ZNF532: variants seen among roughly 807,000 people sequenced by gnomAD.
The protein encoded by ZNF532 is zinc finger protein 532.
In ZNF532, 22 loss-of-function variants were observed where a neutral mutation model predicts 89.3. That is an observed-to-expected ratio of 0.25 (90% confidence interval 0.18 to 0.35). The LOEUF (loss-of-function observed/expected upper bound fraction) is 0.35. Ranked by LOEUF, ZNF532 falls within the 10% of genes least tolerant of loss-of-function variation. ZNF532 has a pLI of 1.00. For missense variants in ZNF532, 1,132 were observed against 1,643.4 expected (o/e 0.69, Z 5.38); for synonymous variants, 606 against 649.6 (o/e 0.93, Z 1.02).
chr18:58,974,515 T>G (rs1395375445), intron 7 of ZNF532, among the ~76,000 whole-genome samples: 1 of 152,196 alleles, frequency 6.6e-6, no homozygotes, highest in East Asian at 1.9e-4. Flanking sequence ...GCTATAACAC[T>G]TATGCTGAAA....
chr18:58,876,658 C>T (rs1025249865), intron 2 of ZNF532, among the ~76,000 whole-genome samples: 1 of 152,144 alleles, frequency 6.6e-6, no homozygotes, highest in African/African-American at 2.4e-5. Context: ...CACTTGTAGT[C>T]GGATCAGATG....
intron 5 of ZNF532, 190 bp downstream of exon 5, chr18:58,939,811 G>T: frequency 6.8e-6 from 3 of 441,076 alleles, no homozygotes; most frequent in South Asian, 7.1e-5. Flanking sequence ...TAAAGACCTT[G>T]TCCAAAAACG....
At position 58,919,926 on chromosome 18, in the gene ZNF532, C is replaced by T. The variant is rs1481301401; in HGVS notation, c.1639C>T (p.Pro547Ser). 6.2e-7 allele frequency: 1 copy of T among 1,613,880 alleles called. No homozygotes were observed. The highest frequency in any genetic ancestry group is 8.5e-7 in the Non-Finnish European group (1 of 1,179,876). ...TSELRQVLTK[P>S]QQQIKQAIIN... ...TGAACTCCGCCAAGTGCTAACCAAA[C>T]CTCAGCAACAAATAAAGCAGGCAAT... Residue 547 changes from proline to serine, a missense_variant, in exon 3 of 10, where the codon CCT becomes TCT. By Grantham distance (74) the Pro-to-Ser change is moderately conservative (BLOSUM62 -1). Transcript: ENST00000591808. The surrounding 1 kb of genome is among the most constrained non-coding windows in gnomAD (Gnocchi z 6.1).
In ZNF532 at chr18:58,888,904, T is replaced by C. The variant is rs867973124; in HGVS notation, c.-18+23325T>C. On this transcript the variant is annotated intron_variant, in intron 2 of 9. Transcript: ENST00000591808. ...TATATATATATTTTATATATATATA[T>C]ATATATATAATTCATACAGGCTGAG... Among the ~76,000 whole-genome samples, 207 of 82,514 alleles carry C rather than the reference T, an allele frequency of 2.5e-3. 5 individuals carry two copies. Among genetic ancestry groups the C allele is most frequent in the African/African-American group, 9.1e-3 (192 of 21,114 alleles). The allele number at this position is 82,514 out of a possible 152,430, so 54.1% of individuals were successfully genotyped here. A position where few individuals can be genotyped will look rare whatever the true frequency, so the allele number is the denominator to read the frequency against.
At position 58,922,963 on chromosome 18, in the gene ZNF532, C is replaced by A. The variant is rs74545458; in HGVS notation, c.2346+2330C>A. Reference sequence around the variant, plus strand: ...AAACTAGGGTGAAACGGGTGAAACTCTGTCCCCAGGAGGAGAGATGAACAT... The same window carrying A: ...AAACTAGGGTGAAACGGGTGAAACTATGTCCCCAGGAGGAGAGATGAACAT... On this transcript the variant is annotated intron_variant, in intron 3 of 9. Coordinates refer to ENST00000591808, the MANE Select transcript of ZNF532 (RefSeq NM_001375912.1). Among the ~76,000 whole-genome samples the A allele has an allele frequency of 3.6e-3, 540 of 150,876 alleles. 8 individuals carry two copies. The highest frequency in any genetic ancestry group is 0.013 in the African/African-American group (517 of 41,222).
intron 2 of ZNF532, among the ~76,000 whole-genome samples, chr18:58,876,591 T>G (rs2057450303): frequency 6.6e-6 from 1 of 152,200 alleles, no homozygotes; most frequent in Non-Finnish European, 1.5e-5. Flanking sequence ...GATCCGGGGT[T>G]TATTCCTCTC....
At chr18:58,871,395 A>C (rs1255375291) in intron 2 of ZNF532, among the ~76,000 whole-genome samples, 2 of 152,168 alleles carry the variant, frequency 1.3e-5, no homozygotes, top group Admixed American at 1.3e-4. Context: ...AGCAGCTATT[A>C]TGTTACCTCA....
chr18:58,931,021 TA>T (rs1442540288), intron 3 of ZNF532, among the ~76,000 whole-genome samples: 1 of 152,206 alleles, frequency 6.6e-6, no homozygotes, highest in African/African-American at 2.4e-5. Flanking sequence ...TAGTATTACC[TA>T]TTGAAAAGTA....
Position 58,919,069 on chromosome 18 carries a change from C to A in ZNF532, c.782C>A (p.Thr261Lys). ...TSLPSVAPSK[T>K]KSSSKLSSCI... ...CTCCCCAGCGTTGCGCCATCAAAGA[C>A]AAAGTCGTCCTCCAAGCTCTCGTCC... Residue 261 changes from threonine (T) to lysine (K), a missense_variant, in exon 3 of 10, where the codon ACA (threonine) becomes AAA (lysine). Physicochemically the swap from Thr to Lys is moderately conservative, Grantham distance 78. Around this residue, in one of 9 missense-constraint regions of ZNF532, gnomAD observed 302 missense variants for 319.8 expected, o/e 0.94. Coordinates refer to ENST00000591808, the MANE Select transcript of ZNF532 (RefSeq NM_001375912.1). This position sits in a 1 kb window ranked among gnomAD's most constrained non-coding sequence, Gnocchi z 6.1. The A allele has an allele frequency of 1.9e-6, 3 of 1,614,150 alleles. No individual in the cohort carries two copies. The highest frequency in any genetic ancestry group is 2.5e-6 in the Non-Finnish European group (3 of 1,180,044).
chr18:58,942,319 G>A (rs2063203941), intron 5 of ZNF532, among the ~76,000 whole-genome samples: 2 of 47,752 alleles, frequency 4.2e-5, no homozygotes, highest in Non-Finnish European at 7.3e-5. Context: ...ACCGCGCCTG[G>A]CCCCTCCCTC....
intron 7 of ZNF532, among the ~76,000 whole-genome samples, chr18:58,975,937 A>G (rs2066998122): frequency 6.6e-6 from 1 of 152,202 alleles, no homozygotes; most frequent in Admixed American, 6.5e-5. Flanking sequence ...AAACGGCCTA[A>G]AGTCTTAGAA....
chr18:58,979,086 A>C lies in ZNF532; in HGVS notation c.3182A>C (p.Asp1061Ala). The C allele has an allele frequency of 6.2e-7, 1 of 1,612,518 alleles. No homozygotes were observed. The highest frequency in any genetic ancestry group is 8.5e-7 in the Non-Finnish European group (1 of 1,178,676). The change falls in exon 8 of 10, where the codon GAC becomes GCC. Residue 1061 changes from aspartate (D) to alanine (A), a missense_variant. By Grantham distance (126) the Asp-to-Ala change is moderately radical (BLOSUM62 -2). Around this residue, in one of 9 missense-constraint regions of ZNF532, gnomAD observed 415 missense variants for 604.8 expected, o/e 0.69. Transcript: ENST00000591808. ...QMKKHPCRQC[D>A]KSFSSSHSLC... ...AAGAAACACCCCTGCCGCCAGTGTG[A>C]CAAGTCTTTCAGCTCGTCCCACAGC...
At chr18:58,942,605 T>G (rs1297891859) in intron 5 of ZNF532, among the ~76,000 whole-genome samples, 1 of 151,956 alleles carries the variant, frequency 6.6e-6, no homozygotes, top group Non-Finnish European at 1.5e-5. Context: ...ACCAGCTCTG[T>G]TGGGCCCAGT....
intron 7 of ZNF532, among the ~76,000 whole-genome samples, chr18:58,963,376 G>A (rs2065557094): frequency 2.0e-5 from 3 of 152,154 alleles, no homozygotes; most frequent in Non-Finnish European, 2.9e-5. Context: ...TTCACTCAGA[G>A]ATGTAGGTGA....
At chr18:58,881,612 C>G (rs1568229721) in intron 2 of ZNF532, among the ~76,000 whole-genome samples, 2 of 131,768 alleles carry the variant, frequency 1.5e-5, no homozygotes, top group African/African-American at 6.1e-5. Context: ...GCAGAGCTCA[C>G]CTCAGTTTGT....
chr18:58,938,259 G>A (rs2062640103), intron 4 of ZNF532, among the ~76,000 whole-genome samples: 1 of 152,132 alleles, frequency 6.6e-6, no homozygotes, highest in African/African-American at 2.4e-5. Context: ...TAAATTTCTG[G>A]AGACTTTTGT....
At chr18:58,941,159 A>G (rs2062986236) in intron 5 of ZNF532, among the ~76,000 whole-genome samples, 1 of 152,144 alleles carries the variant, frequency 6.6e-6, no homozygotes, top group African/African-American at 2.4e-5. Context: ...AAATTAAGGA[A>G]TCCATACATG....
intron 7 of ZNF532, among the ~76,000 whole-genome samples, chr18:58,960,428 C>T (rs574552692): frequency 1.1e-4 from 17 of 152,260 alleles, no homozygotes; most frequent in Admixed American, 4.6e-4. Context: ...GCCAGATACC[C>T]TGCTTGTGTG....
intron 2 of ZNF532, among the ~76,000 whole-genome samples, chr18:58,877,856 T>C (rs2057559773): frequency 6.6e-6 from 1 of 152,104 alleles, no homozygotes. Context: ...ATTAAGGAAG[T>C]GGAACTATGG....
Sources: allele counts gnomAD v4.1 joint callset (sites outside exome capture counted in the v4.1 genomes callset), GRCh38; gene constraint gnomAD v4.1.1; regional missense constraint gnomAD v4.1.1; non-coding constraint Gnocchi (gnomAD v3.1); transcripts MANE v1.5; gene names NCBI Gene and HGNC (gene_info 2026-07-23, HGNC 2026-07-21).